Variants in TMEM117 observed in about 807,000 individuals in gnomAD.
The protein encoded by TMEM117 is transmembrane protein 117.
TMEM117 carries 27 observed loss-of-function variants against 52.4 expected under a neutral mutation model. The ratio of observed to expected loss-of-function variants is 0.51; its 90% confidence interval spans 0.38 to 0.71. TMEM117 has a LOEUF of 0.71. Among genes scored for constraint, TMEM117 ranks in the 30% least tolerant of loss-of-function variants. The probability of loss-of-function intolerance (pLI) is 0.00; values close to 1 mark genes in which losing one functional copy is unlikely to be tolerated. For synonymous variants in TMEM117, 215 were observed against 206.3 expected (o/e 1.04, Z -0.36); for missense variants, 556 against 630.5 (o/e 0.88, Z 1.26).
intron 3 of TMEM117, among the ~76,000 whole-genome samples, chr12:43,952,234 C>A (rs898577639): frequency 2.6e-4 from 40 of 152,114 alleles, no homozygotes; most frequent in African/African-American, 9.2e-4. Flanking sequence ...GCCTCTTTTC[C>A]TCCAAATGAT....
intron 3 of TMEM117, among the ~76,000 whole-genome samples, chr12:44,072,442 A>C (rs931718136): frequency 6.6e-6 from 1 of 152,094 alleles, no homozygotes; most frequent in Admixed American, 6.6e-5. Flanking sequence ...TCTCTTTCTG[A>C]CAAGAATTAG....
chr12:43,865,552 C>A (rs1038487363), intron 2 of TMEM117, among the ~76,000 whole-genome samples: 1 of 151,856 alleles, frequency 6.6e-6, no homozygotes, highest in South Asian at 2.1e-4. Flanking sequence ...CAAAAATTAG[C>A]CGGGCGTGGT....
chr12:43,921,936 G>C (rs1944701283), intron 2 of TMEM117, among the ~76,000 whole-genome samples: 1 of 151,968 alleles, frequency 6.6e-6, no homozygotes, highest in African/African-American at 2.4e-5. Flanking sequence ...TTATTACCAG[G>C]TGTCCCAAAT....
At chr12:44,235,270 T>A (rs1949981839) in intron 5 of TMEM117, among the ~76,000 whole-genome samples, 1 of 151,632 alleles carries the variant, frequency 6.6e-6, no homozygotes, top group South Asian at 2.1e-4. Flanking sequence ...TTGTCATGGG[T>A]ATCATTTTGC....
At chr12:43,921,112 A>G (rs576470138) in intron 2 of TMEM117, among the ~76,000 whole-genome samples, 16 of 152,144 alleles carry the variant, frequency 1.1e-4, no homozygotes, top group African/African-American at 3.9e-4. Context: ...ATCTGAGCCC[A>G]TGGCATTTTC....
intron 6 of TMEM117, 62 bp downstream of exon 6, chr12:44,299,801 A>G (rs1365420918): frequency 6.4e-7 from 1 of 1,571,648 alleles, no homozygotes; most frequent in Non-Finnish European, 8.7e-7. Flanking sequence ...TATAACAAAC[A>G]GGATATGGCA....
intron 3 of TMEM117, among the ~76,000 whole-genome samples, chr12:44,134,480 A>AGG (rs1254779760): frequency 3.3e-5 from 5 of 152,158 alleles, no homozygotes; most frequent in Non-Finnish European, 7.4e-5. Context: ...CTGGAGAGAG[A>AGG]GGGGAGTGCT....
chr12:43,830,477 G>A, the TMEM117 span, among the ~76,000 whole-genome samples: 1 of 151,930 alleles, frequency 6.6e-6, no homozygotes, highest in Non-Finnish European at 1.5e-5. Flanking sequence ...AGGCGTGGTG[G>A]TGCACGCCTG....
At chr12:44,117,846 A>C (rs1431957374) in intron 3 of TMEM117, among the ~76,000 whole-genome samples, 2 of 152,068 alleles carry the variant, frequency 1.3e-5, no homozygotes, top group Non-Finnish European at 2.9e-5. Flanking sequence ...TTGAGTAAGG[A>C]GATCCTACCA....
chr12:44,286,203 TATA>T (rs1950635915), intron 5 of TMEM117, among the ~76,000 whole-genome samples: 1 of 151,842 alleles, frequency 6.6e-6, no homozygotes, highest in African/African-American at 2.4e-5. Context: ...TTTAAGATTT[TATA>T]ATAACTGTGC....
At chr12:44,086,624 G>A (rs940883746) in intron 3 of TMEM117, among the ~76,000 whole-genome samples, 1 of 152,020 alleles carries the variant, frequency 6.6e-6, no homozygotes, top group Non-Finnish European at 1.5e-5. Flanking sequence ...ATCCAGACCT[G>A]CTTTGCTTTC....
intron 6 of TMEM117, among the ~76,000 whole-genome samples, chr12:44,305,051 A>G (rs1333860597): frequency 6.6e-6 from 1 of 152,138 alleles, no homozygotes; most frequent in Non-Finnish European, 1.5e-5. Context: ...TAGATGACAC[A>G]TCTGGACTCA....
At chr12:43,845,529 A>C (rs886098115) in intron 2 of TMEM117, among the ~76,000 whole-genome samples, 1 of 150,748 alleles carries the variant, frequency 6.6e-6, no homozygotes, top group Non-Finnish European at 1.5e-5. Context: ...TTTTTTAAAA[A>C]CTTTTTTTAT....
At chr12:43,814,516 C>G in the TMEM117 span, among the ~76,000 whole-genome samples, 1 of 152,256 alleles carries the variant, frequency 6.6e-6, no homozygotes, top group African/African-American at 2.4e-5. Flanking sequence ...GCACAGCTAA[C>G]TTGTCCAGAC....
chr12:43,865,231 A>C lies in TMEM117; in HGVS notation c.277+20303A>C, dbSNP rs367957295. Among the ~76,000 whole-genome samples, 13 of 152,166 alleles carry C rather than the reference A, an allele frequency of 8.5e-5. 1 individual carries two copies. Among genetic ancestry groups the C allele is most frequent in the Admixed American group, 7.2e-4 (11 of 15,278 alleles). ...TTGAACAGAGATTTTAGTGCTGTCT[A>C]CTGCAGTAAAGACAGAGTTTGGGGT... On this transcript the variant is annotated intron_variant, in intron 2 of 7. Transcript: ENST00000266534.
At chr12:44,075,412 C>T (rs1256287949) in intron 3 of TMEM117, among the ~76,000 whole-genome samples, 1 of 152,094 alleles carries the variant, frequency 6.6e-6, no homozygotes, top group Non-Finnish European at 1.5e-5. Flanking sequence ...TCAGGAGGGC[C>T]CTGCACTTGG....
chr12:43,822,217 T>C, the TMEM117 span, among the ~76,000 whole-genome samples: 1 of 152,264 alleles, frequency 6.6e-6, no homozygotes, highest in African/African-American at 2.4e-5. Flanking sequence ...AGACAGTTAC[T>C]TAACTCTTGC....
At chr12:43,991,399 G>GATATAATA (rs1945936446) in intron 3 of TMEM117, among the ~76,000 whole-genome samples, 1 of 151,912 alleles carries the variant, frequency 6.6e-6, no homozygotes, top group African/African-American at 2.4e-5. Context: ...TGTTCCACTG[G>GATATAATA]ATAATAATTG....
At chr12:44,301,199 G>A (rs1250975595) in intron 6 of TMEM117, among the ~76,000 whole-genome samples, 1 of 152,104 alleles carries the variant, frequency 6.6e-6, no homozygotes, top group Non-Finnish European at 1.5e-5. Context: ...TACTCTGTTT[G>A]TGTAAGTTTT....
Sources: allele counts gnomAD v4.1 joint callset (sites outside exome capture counted in the v4.1 genomes callset), GRCh38; gene constraint gnomAD v4.1.1; transcripts MANE v1.5; gene names NCBI Gene and HGNC (gene_info 2026-07-23, HGNC 2026-07-21).